Variants in VSNL1 observed in about 807,000 individuals in gnomAD.
VSNL1 encodes the protein visinin like 1.
VSNL1 carries 6 observed loss-of-function variants against 20.4 expected under a neutral mutation model. The observed-to-expected ratio is 0.29, with a 90% CI of 0.16 to 0.58. The LOEUF (loss-of-function observed/expected upper bound fraction) is 0.58. VSNL1 is among the 20% of genes least tolerant of loss of function. The pLI, the probability that VSNL1 is intolerant of heterozygous loss-of-function variation, is 0.90. For missense variants in VSNL1, 100 were observed against 234.5 expected (o/e 0.43, Z 3.75); for synonymous variants, 93 against 86.4 (o/e 1.08, Z -0.42).
intron 1 of VSNL1, among the ~76,000 whole-genome samples, chr2:17,569,735 A>G (rs1664036814): frequency 6.6e-6 from 1 of 152,214 alleles, no homozygotes; most frequent in Non-Finnish European, 1.5e-5. Flanking sequence ...TAGAATTTCT[A>G]TTCCATTATC....
chr2:17,549,145 T>A (rs1026211427), intron 1 of VSNL1, among the ~76,000 whole-genome samples: 2 of 152,246 alleles, frequency 1.3e-5, no homozygotes, highest in African/African-American at 2.4e-5. Flanking sequence ...GATCTGGTGA[T>A]ATCACTTGCA....
At chr2:17,567,970 T>C (rs571794532) in intron 1 of VSNL1, among the ~76,000 whole-genome samples, 28 of 152,282 alleles carry the variant, frequency 1.8e-4, no homozygotes, top group African/African-American at 6.5e-4. Flanking sequence ...GTATTTTACC[T>C]CTCTTTTCAA....
intron 2 of VSNL1, among the ~76,000 whole-genome samples, chr2:17,622,588 GAAAGAAAGAAAGAAAA>G: frequency 8.0e-6 from 1 of 125,590 alleles, no homozygotes; most frequent in South Asian, 2.6e-4. Flanking sequence ...AAGAAAGAAA[GAAAGAAAGAAAGAAAA>G]GAAAGAAAGA....
chr2:17,580,568 T>C (rs1664328564), intron 1 of VSNL1, among the ~76,000 whole-genome samples: 3 of 152,246 alleles, frequency 2.0e-5, no homozygotes, highest in African/African-American at 7.2e-5. Context: ...CCCGTGTGAC[T>C]TTTGCAAAAG....
chr2:17,617,561 T>C (rs1665245477), intron 2 of VSNL1, among the ~76,000 whole-genome samples: 1 of 152,080 alleles, frequency 6.6e-6, no homozygotes, highest in Non-Finnish European at 1.5e-5. Context: ...TCATCCTTGT[T>C]CCCAAACCTA....
chr2:17,552,386 A>C (rs1471636682), intron 1 of VSNL1, among the ~76,000 whole-genome samples: 1 of 152,140 alleles, frequency 6.6e-6, no homozygotes, highest in Non-Finnish European at 1.5e-5. Flanking sequence ...TTAAGTGATA[A>C]ATGTGTTGTT....
At chr2:17,613,933 T>C (rs372809369) in intron 2 of VSNL1, among the ~76,000 whole-genome samples, 2 of 152,166 alleles carry the variant, frequency 1.3e-5, no homozygotes, top group East Asian at 3.9e-4. Flanking sequence ...AGATAGACAG[T>C]TCGCTGTATT....
At position 17,655,405 on chromosome 2, in the gene VSNL1, A is replaced by G. The variant is rs1666207194; in HGVS notation, c.*11A>G. Reference sequence around the variant, plus strand: ...GACATCCAGAAATGAGCTGATGTCAATGCTATGGACTGCACAAAAGTCTCA... The same window carrying G: ...GACATCCAGAAATGAGCTGATGTCAGTGCTATGGACTGCACAAAAGTCTCA... On this transcript the variant is annotated 3_prime_UTR_variant, in exon 4 of 4. Transcript: ENST00000295156. This position sits in a 1 kb window ranked among gnomAD's most constrained non-coding sequence, Gnocchi z 5.2. The G allele has an allele frequency of 2.5e-6, 4 of 1,593,964 alleles. No homozygotes were observed. The highest frequency in any genetic ancestry group is 1.3e-5 in the African/African-American group (1 of 74,316).
intron 2 of VSNL1, among the ~76,000 whole-genome samples, chr2:17,621,225 CTCT>C (rs1665347654): frequency 6.6e-6 from 1 of 151,856 alleles, no homozygotes; most frequent in African/African-American, 2.4e-5. Context: ...CTTTCTCTCT[CTCT>C]TTCTTTCTTT....
intron 2 of VSNL1, among the ~76,000 whole-genome samples, chr2:17,592,638 CTCTTTTTTTTTTTTTTTTTTTTTT>C (rs1387116098): frequency 2.6e-5 from 2 of 77,636 alleles, no homozygotes; most frequent in South Asian, 4.3e-4. Flanking sequence ...CTCTCTCTCT[CTCTTTTTTTTTTTTTTTTTTTTTT>C]TTTTTTTTTT....
At chr2:17,625,677 G>A (rs966229906) in intron 2 of VSNL1, among the ~76,000 whole-genome samples, 1 of 152,098 alleles carries the variant, frequency 6.6e-6, no homozygotes, top group Non-Finnish European at 1.5e-5. Flanking sequence ...GGGGCTGGGG[G>A]CGGGACAATG....
intron 2 of VSNL1, among the ~76,000 whole-genome samples, chr2:17,619,155 C>T (rs1251362520): frequency 6.6e-6 from 1 of 152,170 alleles, no homozygotes; most frequent in African/African-American, 2.4e-5. Context: ...GAGGATACCA[C>T]CAGTGCCCAA....
intron 1 of VSNL1, among the ~76,000 whole-genome samples, chr2:17,557,342 A>G (rs1663709485): frequency 6.6e-6 from 1 of 152,170 alleles, no homozygotes; most frequent in African/African-American, 2.4e-5. Flanking sequence ...TCTTTCAACA[A>G]ATATTTATTG....
chr2:17,588,407 C>T (rs932458565), intron 1 of VSNL1, among the ~76,000 whole-genome samples: 5 of 152,110 alleles, frequency 3.3e-5, no homozygotes, highest in Admixed American at 6.5e-5. Context: ...GGATCTTGGC[C>T]AAGATCACAG....
chr2:17,584,650 C>T (rs1282135838), intron 1 of VSNL1, among the ~76,000 whole-genome samples: 1 of 152,172 alleles, frequency 6.6e-6, no homozygotes, highest in Admixed American at 6.5e-5. Flanking sequence ...GTGGAAACTT[C>T]ACTGGGAGCA....
At chr2:17,583,354 C>G (rs1664395635) in intron 1 of VSNL1, among the ~76,000 whole-genome samples, 1 of 152,214 alleles carries the variant, frequency 6.6e-6, no homozygotes, top group African/African-American at 2.4e-5. Flanking sequence ...CACAGTCCCT[C>G]CCCACTGGGA....
chr2:17,645,275 A>G (rs904641537), intron 2 of VSNL1, among the ~76,000 whole-genome samples: 11 of 152,238 alleles, frequency 7.2e-5, no homozygotes, highest in Non-Finnish European at 1.2e-4. Flanking sequence ...GGCAGGGGTG[A>G]GTCCTGGCCA....
intron 2 of VSNL1, among the ~76,000 whole-genome samples, chr2:17,627,121 C>G (rs574156164): frequency 8.7e-4 from 132 of 152,342 alleles, no homozygotes; most frequent in Middle Eastern, 6.8e-3. Context: ...CACATACCCC[C>G]ATCTCACCAC....
At chr2:17,572,383 G>A (rs541646417) in intron 1 of VSNL1, among the ~76,000 whole-genome samples, 2 of 152,154 alleles carry the variant, frequency 1.3e-5, no homozygotes, top group Admixed American at 6.6e-5. Context: ...AATAAGACCC[G>A]GTTTTCCACA....
Sources: gnomAD v4.1 joint callset for allele counts (sites outside exome capture counted in the v4.1 genomes callset) on GRCh38, gnomAD v4.1.1 for gene constraint, Gnocchi (gnomAD v3.1) non-coding constraint, MANE v1.5 for transcripts, NCBI Gene and HGNC (gene_info 2026-07-23, HGNC 2026-07-21) for gene names.